Variants in HPSE2 observed in about 807,000 individuals in gnomAD.
The protein encoded by HPSE2 is inactive heparanase-2.
In HPSE2, 38 loss-of-function variants were observed where a neutral mutation model predicts 60.5. The ratio of observed to expected loss-of-function variants is 0.63; its 90% CI spans 0.48 to 0.82. The LOEUF (loss-of-function observed/expected upper bound fraction) is 0.82, where lower values mean the gene tolerates loss of function less well. Among genes scored for constraint, HPSE2 ranks in the 40% least tolerant of loss-of-function variants. The pLI is 0.00. For missense variants in HPSE2, 713 were observed against 740.4 expected (o/e 0.96, Z 0.43); for synonymous variants, 295 against 293.2 (o/e 1.01, Z -0.06).
intron 3 of HPSE2, among the ~76,000 whole-genome samples, chr10:98,798,045 A>C (rs1452686739): frequency 6.6e-6 from 1 of 152,140 alleles, no homozygotes; most frequent in African/African-American, 2.4e-5. Context: ...CCCAAAGGTC[A>C]AGAATAAGGA....
chr10:98,710,389 G>A (rs1471139525), intron 5 of HPSE2, among the ~76,000 whole-genome samples: 2 of 152,020 alleles, frequency 1.3e-5, no homozygotes, highest in Non-Finnish European at 2.9e-5. Context: ...TTATATGTTT[G>A]TCGACTTTAA....
intron 3 of HPSE2, among the ~76,000 whole-genome samples, chr10:99,060,658 C>CA (rs35034456): frequency 0.015 from 718 of 47,790 alleles, 73 homozygotes; most frequent in African/African-American, 0.049. Context: ...AACTCTGTCT[C>CA]AAAAAAAAAA....
intron 3 of HPSE2, among the ~76,000 whole-genome samples, chr10:98,882,569 A>G (rs1033543721): frequency 1.7e-4 from 26 of 152,028 alleles, no homozygotes; most frequent in Non-Finnish European, 2.8e-4. Context: ...AGAGTGTAAG[A>G]GACTAGAAAA....
At chr10:98,860,042 A>G (rs1952416916) in intron 3 of HPSE2, among the ~76,000 whole-genome samples, 1 of 152,202 alleles carries the variant, frequency 6.6e-6, no homozygotes, top group Admixed American at 6.5e-5. Flanking sequence ...ATATAAGTAT[A>G]AGAGAAAAAC....
chr10:98,949,277 A>G (rs1217987611), intron 3 of HPSE2, among the ~76,000 whole-genome samples: 1 of 144,528 alleles, frequency 6.9e-6, no homozygotes, highest in African/African-American at 2.6e-5. Flanking sequence ...CACACACACA[A>G]ATTCTAACCA....
chr10:99,185,490 G>A (rs972172757), intron 2 of HPSE2, among the ~76,000 whole-genome samples: 17 of 151,930 alleles, frequency 1.1e-4, no homozygotes, highest in African/African-American at 3.9e-4. Context: ...ATAGAAGTGG[G>A]GCTGCCAGGT....
intron 3 of HPSE2, among the ~76,000 whole-genome samples, chr10:98,781,423 T>A (rs1025516210): frequency 2.0e-5 from 3 of 151,446 alleles, no homozygotes; most frequent in African/African-American, 7.3e-5. Context: ...AAATAAACAG[T>A]GGCAAAATTA....
At chr10:99,281,055 G>A in the HPSE2 span, among the ~76,000 whole-genome samples, 2 of 151,660 alleles carry the variant, frequency 1.3e-5, 1 homozygote, top group East Asian at 3.9e-4. Flanking sequence ...GTTATTAGAA[G>A]GATTAAGAGT....
intron 3 of HPSE2, among the ~76,000 whole-genome samples, chr10:99,000,995 A>G (rs528918368): frequency 6.6e-6 from 1 of 152,184 alleles, no homozygotes; most frequent in Non-Finnish European, 1.5e-5. Context: ...TGTCCACCCC[A>G]TTCCTATCTG....
chr10:98,942,002 GGT>G (rs1955021138), intron 3 of HPSE2, among the ~76,000 whole-genome samples: 1 of 143,208 alleles, frequency 7.0e-6, no homozygotes, highest in South Asian at 2.1e-4. Flanking sequence ...TTTAATAAAT[GGT>G]GCTGGGAAAA....
chr10:99,166,851 A>C (rs902151481), intron 2 of HPSE2, among the ~76,000 whole-genome samples: 1 of 136,798 alleles, frequency 7.3e-6, no homozygotes, highest in East Asian at 2.0e-4. Context: ...CATCTCAAAG[A>C]AAAAAAAAAA....
At chr10:99,072,854 G>A (rs1373957153) in intron 3 of HPSE2, among the ~76,000 whole-genome samples, 2 of 149,188 alleles carry the variant, frequency 1.3e-5, no homozygotes, top group African/African-American at 5.0e-5. Flanking sequence ...GCTTGAACCT[G>A]GGAGGTGGAG....
At chr10:99,228,472 A>T (rs762872568) in intron 2 of HPSE2, among the ~76,000 whole-genome samples, 1 of 152,226 alleles carries the variant, frequency 6.6e-6, no homozygotes, top group Non-Finnish European at 1.5e-5. Flanking sequence ...ATACAAATAA[A>T]TCACATTGAA....
chr10:99,228,413 T>C (rs1849541705), intron 2 of HPSE2, among the ~76,000 whole-genome samples: 1 of 152,116 alleles, frequency 6.6e-6, no homozygotes, highest in African/African-American at 2.4e-5. Context: ...ATTTAAAAAA[T>C]GGTGTACATC....
At chr10:99,090,392 G>A (rs1843471728) in intron 3 of HPSE2, among the ~76,000 whole-genome samples, 1 of 152,034 alleles carries the variant, frequency 6.6e-6, no homozygotes, top group Admixed American at 6.6e-5. Flanking sequence ...AATATGTTCT[G>A]AACGAAGGAA....
intron 4 of HPSE2, among the ~76,000 whole-genome samples, chr10:98,723,180 T>C (rs1307814471): frequency 1.3e-5 from 2 of 152,212 alleles, no homozygotes; most frequent in African/African-American, 4.8e-5. Flanking sequence ...ATGAAGGTGG[T>C]TGAATTTTGT....
At chr10:99,224,855 A>C (rs993080178) in intron 2 of HPSE2, among the ~76,000 whole-genome samples, 19 of 152,106 alleles carry the variant, frequency 1.2e-4, no homozygotes, top group Non-Finnish European at 2.5e-4. Context: ...AGGTTTATTT[A>C]CTGGCTTTTC....
chr10:98,629,755 C>A (rs1946311519), intron 7 of HPSE2, among the ~76,000 whole-genome samples: 1 of 152,172 alleles, frequency 6.6e-6, no homozygotes, highest in African/African-American at 2.4e-5. Flanking sequence ...TATTTGTGCT[C>A]AGAGAGGTCT....
At chr10:99,153,002 G>A (rs528496500) in intron 2 of HPSE2, among the ~76,000 whole-genome samples, 1 of 152,350 alleles carries the variant, frequency 6.6e-6, no homozygotes, top group South Asian at 2.1e-4. Context: ...AGGGCACCTG[G>A]AAAATCGGGT....
Sources: gnomAD v4.1 joint callset for allele counts (sites outside exome capture counted in the v4.1 genomes callset) on GRCh38, gnomAD v4.1.1 for gene constraint, MANE v1.5 for transcripts, NCBI Gene and HGNC (gene_info 2026-07-23, HGNC 2026-07-21) for gene names.